Variants in SI observed in about 807,000 individuals in gnomAD.
The protein encoded by SI is sucrase-isomaltase, also known as sucrase-isomaltase, intestinal.
In SI, 235 loss-of-function variants were observed where a neutral mutation model predicts 253.3. The ratio of observed to expected loss-of-function variants is 0.93; its 90% CI spans 0.83 to 1.03. The LOEUF is 1.03. SI is among the 50% of genes least tolerant of loss of function. The probability of loss-of-function intolerance (pLI) is 0.00; values close to 1 mark genes in which losing one functional copy is unlikely to be tolerated. For missense variants in SI, 2,442 were observed against 2,211.1 expected, an observed-to-expected ratio of 1.10 and a Z score of -2.09; for synonymous variants, 819 against 712.0, an observed-to-expected ratio of 1.15 and a Z score of -2.39.
rs1427092384 is a variant in SI, at chr3:165,049,856, C to T, written c.1532G>A (p.Ser511Asn). The T allele has an allele frequency of 1.2e-6, 2 of 1,604,776 alleles. No individual in the cohort carries two copies. The highest frequency in any genetic ancestry group is 2.2e-5 in the East Asian group (1 of 44,562). Residue 511 changes from serine to asparagine, a missense_variant, in exon 14 of 48, where the codon AGC (serine) becomes AAC (asparagine). Ser to Asn is a conservative substitution (Grantham distance 46, BLOSUM62 1). Coordinates refer to ENST00000264382, the MANE Select transcript of SI (RefSeq NM_001041.4). ...GLWIDMNEVS[S>N]FIQGSTKGCN... Reference sequence around the variant, plus strand: ...TCCTTTTGTTGAACCTTGAATAAAGCTGGAAACTTCATTCATGTCCTGAAT... The same window carrying T: ...TCCTTTTGTTGAACCTTGAATAAAGTTGGAAACTTCATTCATGTCCTGAAT...
chr3:165,076,014 T>C lies in SI; in HGVS notation c.1-2A>G. 6.4e-7 allele frequency: 1 copy of C among 1,554,264 alleles called. No homozygotes were observed. The highest frequency in any genetic ancestry group is 1.2e-5 in the South Asian group (1 of 86,524). ...TCCACTAAATTTCTTTCTTGCCATC[T>C]AAAAACAGAAAAGAATATATATTTA... On this transcript the variant is annotated splice_acceptor_variant, in intron 1 of 47. Coordinates refer to ENST00000264382, the MANE Select transcript of SI (RefSeq NM_001041.4). LOFTEE classifies it low-confidence loss of function (5UTR_SPLICE).
chr3:164,986,787 T>C (rs1717460870), intron 45 of SI, among the ~76,000 whole-genome samples: 2 of 152,186 alleles, frequency 1.3e-5, no homozygotes, highest in South Asian at 4.1e-4. Flanking sequence ...TATAATAATG[T>C]GGTTATTCAG....
chr3:165,047,899 C>A (rs1451466664), intron 15 of SI, among the ~76,000 whole-genome samples: 1 of 151,918 alleles, frequency 6.6e-6, no homozygotes, highest in Admixed American at 6.6e-5. Context: ...GCATCACTCA[C>A]GTTACCTAAC....
chr3:165,049,221 A>G lies in SI; in HGVS notation c.1621T>C (p.Ser541Pro). 2 of 1,605,728 alleles carry G rather than the reference A, an allele frequency of 1.2e-6. No individual in the cohort carries two copies. Among genetic ancestry groups the G allele is most frequent in the African/African-American group, 1.3e-5 (1 of 74,900 alleles). The change falls in exon 15 of 48, where the codon TCC (serine) becomes CCC (proline). Residue 541 changes from serine (S) to proline (P), a missense_variant. Coordinates refer to ENST00000264382, the MANE Select transcript of SI (RefSeq NM_001041.4). Reference sequence around the variant, plus strand: ...ACAGCATCCATGCAAATTGTTTTGGAATACATGAGTTTGTCAAGAATATCT... The same window carrying G: ...ACAGCATCCATGCAAATTGTTTTGGGATACATGAGTTTGTCAAGAATATCT... ...TPDILDKLMY[S>P]KTICMDAVQN...
chr3:164,993,652 C>A (rs952019247), intron 41 of SI, among the ~76,000 whole-genome samples: 6 of 151,376 alleles, frequency 4.0e-5, no homozygotes, highest in African/African-American at 1.5e-4. Flanking sequence ...GTAATATCTA[C>A]AATAAGAATT....
intron 25 of SI, among the ~76,000 whole-genome samples, chr3:165,025,173 A>G (rs988845893): frequency 2.6e-5 from 4 of 151,152 alleles, no homozygotes; most frequent in African/African-American, 9.7e-5. Context: ...TTCGTTGATG[A>G]TATCATGCTA....
chr3:165,074,511 TAA>T lies in SI; in HGVS notation c.255+18_255+19del. On this transcript the variant is annotated intron_variant, in intron 3 of 47. Transcript: ENST00000264382. ...TAATGTATATATTCATTAAAAATAT[TAA>T]AGACTTTTGCTGCAGACCTCTGTTG... The T allele has an allele frequency of 6.5e-7, 1 of 1,546,270 alleles. No individual in the cohort carries two copies. The highest frequency in any genetic ancestry group is 1.4e-5 in the African/African-American group (1 of 73,222).
chr3:165,004,640 A>G (rs1718417547), intron 37 of SI, among the ~76,000 whole-genome samples: 1 of 152,194 alleles, frequency 6.6e-6, no homozygotes, highest in African/African-American at 2.4e-5. Flanking sequence ...GTCATTTGCA[A>G]CGACATGTAG....
chr3:165,044,658 A>G (rs1254333021), intron 16 of SI, among the ~76,000 whole-genome samples: 1 of 152,014 alleles, frequency 6.6e-6, no homozygotes, highest in Non-Finnish European at 1.5e-5. Context: ...TATCATTTAT[A>G]GACTATGTGA....
intron 38 of SI, among the ~76,000 whole-genome samples, chr3:164,998,202 T>A (rs544177239): frequency 1.3e-5 from 2 of 151,988 alleles, no homozygotes; most frequent in Admixed American, 1.3e-4. Context: ...ATTTTTTGAC[T>A]TTTTAATAAT....
At chr3:165,027,208 G>A (rs1056388600) in intron 25 of SI, among the ~76,000 whole-genome samples, 2 of 151,082 alleles carry the variant, frequency 1.3e-5, no homozygotes, top group South Asian at 4.2e-4. Context: ...TAAATTAGAT[G>A]ACCTAGAAGA....
At chr3:165,019,506 T>C in intron 28 of SI, 96 bp downstream of exon 28, 1 of 1,147,600 alleles carries the variant, frequency 8.7e-7, no homozygotes, top group Non-Finnish European at 1.3e-6. Flanking sequence ...GCCTTTGTCA[T>C]TACTTCAATC....
intron 31 of SI, 121 bp from the exon 32 acceptor site, chr3:165,016,201 C>A (rs368399315): frequency 3.6e-6 from 3 of 841,874 alleles, no homozygotes; most frequent in Non-Finnish European, 6.0e-6. Flanking sequence ...TCACTAGATC[C>A]TAAAAAGAAT....
intron 22 of SI, among the ~76,000 whole-genome samples, 162 bp downstream of exon 22, chr3:165,036,227 T>A (rs1045355608): frequency 7.9e-5 from 12 of 151,868 alleles, no homozygotes; most frequent in Non-Finnish European, 1.5e-4. Context: ...AATAACAATG[T>A]TAAAAGTTTT....
chr3:165,062,024 T>C (rs1714006479), intron 9 of SI, among the ~76,000 whole-genome samples: 1 of 152,054 alleles, frequency 6.6e-6, no homozygotes, highest in African/African-American at 2.4e-5. Flanking sequence ...ATTTATTGCC[T>C]ATCCTCAGTG....
intron 3 of SI, among the ~76,000 whole-genome samples, chr3:165,070,327 T>C (rs1576922851): frequency 7.5e-6 from 1 of 133,624 alleles, no homozygotes; most frequent in East Asian, 2.2e-4. Context: ...ATTATATATA[T>C]AAAATCTCTC....
At chr3:164,982,468 T>C in intron 46 of SI, 58 bp from the exon 47 acceptor site, 1 of 1,318,124 alleles carries the variant, frequency 7.6e-7, no homozygotes, top group African/African-American at 1.5e-5. Context: ...CAATTAAAAC[T>C]TTAAAAATAT....
intron 22 of SI, among the ~76,000 whole-genome samples, chr3:165,035,700 C>G (rs565522739): frequency 6.6e-6 from 1 of 151,280 alleles, no homozygotes; most frequent in Non-Finnish European, 1.5e-5. Context: ...AATTTTTATA[C>G]TCATATATAA....
chr3:165,049,534 T>C (rs1357612365), intron 14 of SI, among the ~76,000 whole-genome samples: 1 of 152,100 alleles, frequency 6.6e-6, no homozygotes, highest in African/African-American at 2.4e-5. Context: ...CCTTTAACAA[T>C]ATAGAAATAT....
Sources: gnomAD v4.1 joint callset for allele counts (sites outside exome capture counted in the v4.1 genomes callset) on GRCh38, gnomAD v4.1.1 for gene constraint, MANE v1.5 for transcripts, NCBI Gene and HGNC (gene_info 2026-07-23, HGNC 2026-07-21) for gene names.